The following UBE2D2 variants were observed in gnomAD, a reference collection of about 807,000 sequenced individuals.
UBE2D2 encodes ubiquitin conjugating enzyme E2 D2.
In UBE2D2, 2 loss-of-function variants were observed where a neutral mutation model predicts 24.2. That is an observed-to-expected ratio of 0.08 (90% CI 0.03 to 0.26). UBE2D2 has a LOEUF of 0.26. Among genes scored for constraint, UBE2D2 ranks in the 10% least tolerant of loss-of-function variants. UBE2D2 has a pLI of 1.00. For missense variants in UBE2D2, 44 were observed against 177.6 expected (o/e 0.25, Z 4.28); for synonymous variants, 58 against 56.5 (o/e 1.03, Z -0.12).
At chr5:139,616,664 G>T (rs980558815) in intron 5 of UBE2D2, among the ~76,000 whole-genome samples, 2 of 152,198 alleles carry the variant, frequency 1.3e-5, no homozygotes, top group African/African-American at 2.4e-5. Flanking sequence ...TAGAGGTATA[G>T]ATTTGTAGAG....
intron 1 of UBE2D2, among the ~76,000 whole-genome samples, chr5:139,537,350 C>A (rs1752696906): frequency 1.3e-5 from 2 of 152,078 alleles, no homozygotes; most frequent in South Asian, 4.1e-4. Flanking sequence ...TCTTAAATAT[C>A]ATTTTTAACA....
intron 1 of UBE2D2, among the ~76,000 whole-genome samples, chr5:139,593,594 A>G (rs1462530749): frequency 6.6e-6 from 1 of 152,142 alleles, no homozygotes; most frequent in Non-Finnish European, 1.5e-5. Flanking sequence ...CATATGTAAC[A>G]TGTAACATTA....
intron 5 of UBE2D2, among the ~76,000 whole-genome samples, chr5:139,617,078 G>A (rs977359286): frequency 6.6e-6 from 1 of 151,972 alleles, no homozygotes; most frequent in Admixed American, 6.6e-5. Context: ...AACTACTCAG[G>A]AGGCTGAGGC....
chr5:139,549,843 C>G (rs1178623168), intron 1 of UBE2D2, among the ~76,000 whole-genome samples: 2 of 152,232 alleles, frequency 1.3e-5, no homozygotes, highest in Non-Finnish European at 2.9e-5. Context: ...TTATGTCTAG[C>G]TGGAGGAGTG....
At chr5:139,529,206 C>T (rs1304077917) in intron 1 of UBE2D2, among the ~76,000 whole-genome samples, 5 of 152,142 alleles carry the variant, frequency 3.3e-5, no homozygotes, top group Admixed American at 3.3e-4. Flanking sequence ...GTAGGTAATC[C>T]AGGCAGTGAC....
At chr5:139,550,597 T>C (rs1278185105) in intron 1 of UBE2D2, among the ~76,000 whole-genome samples, 3 of 152,006 alleles carry the variant, frequency 2.0e-5, no homozygotes, top group Non-Finnish European at 4.4e-5. Flanking sequence ...TTTTGATCTT[T>C]GAGATAACTT....
intron 1 of UBE2D2, among the ~76,000 whole-genome samples, chr5:139,563,510 C>G (rs1402890922): frequency 2.6e-5 from 4 of 152,108 alleles, no homozygotes. Flanking sequence ...ATTTTAAAGG[C>G]TTTTAGGAAT....
At chr5:139,619,978 G>T (rs1239839286) in intron 5 of UBE2D2, among the ~76,000 whole-genome samples, 3 of 152,160 alleles carry the variant, frequency 2.0e-5, no homozygotes, top group African/African-American at 7.2e-5. Context: ...GGCAAAGGGG[G>T]AGCCACCTGT....
chr5:139,600,603 C>A (rs1405032136), intron 2 of UBE2D2, among the ~76,000 whole-genome samples, 168 bp downstream of exon 2: 1 of 152,192 alleles, frequency 6.6e-6, no homozygotes, highest in Non-Finnish European at 1.5e-5. Context: ...CATTTTGAAT[C>A]TTCTGCCAGG....
chr5:139,544,476 A>C (rs1752799094), intron 1 of UBE2D2, among the ~76,000 whole-genome samples: 1 of 151,266 alleles, frequency 6.6e-6, no homozygotes, highest in Non-Finnish European at 1.5e-5. Flanking sequence ...CTTTTAGTTG[A>C]GACAGGGTTT....
rs1561498562 is a variant in UBE2D2, at chr5:139,548,179, A to T, written c.-64+21567A>T. ...ACTCCGTCTCAAAAAAAAAAAAAAA[A>T]AAAATAAAAAAAAAAAATAAATAAA... On this transcript the variant is annotated intron_variant, in intron 1 of 6. Coordinates refer to the UBE2D2 transcript ENST00000511725. 1.5e-4 allele frequency among the ~76,000 whole-genome samples: 6 copies of T among 40,248 alleles called. 1 individual carries two copies. The highest frequency in any genetic ancestry group is 1.1e-3 in the East Asian group (3 of 2,846). The allele number at this position is 40,248 out of a possible 152,430, so 26.4% of individuals were successfully genotyped here. A position where few individuals can be genotyped will look rare whatever the true frequency, so the allele number is the denominator to read the frequency against.
chr5:139,627,348 A>G lies in UBE2D2; in HGVS notation c.*547A>G, dbSNP rs1754654483. 6.5e-6 allele frequency: 1 copy of G among 153,216 alleles called. No homozygotes were observed. The highest frequency in any genetic ancestry group is 2.1e-4 in the South Asian group (1 of 4,854). The allele number at this position is 153,216 out of a possible 1,614,324, so 9.5% of individuals were successfully genotyped here. On this transcript the variant is annotated 3_prime_UTR_variant, in exon 7 of 7. Coordinates refer to ENST00000398733, the MANE Select transcript of UBE2D2 (RefSeq NM_003339.3). The stretch of plus-strand genomic sequence containing the variant: ...TCCTGCATTTTAAGGTCTAAGTTTA[A>G]CTGGTCAACATTTAAATGGATTGGA...
chr5:139,610,848 G>A (rs1256223591), intron 2 of UBE2D2, among the ~76,000 whole-genome samples: 2 of 152,072 alleles, frequency 1.3e-5, no homozygotes, highest in Non-Finnish European at 2.9e-5. Flanking sequence ...GTAAAACCCT[G>A]TCTCAAAATA....
chr5:139,582,009 A>G (rs546905913), intron 1 of UBE2D2, among the ~76,000 whole-genome samples: 2 of 150,530 alleles, frequency 1.3e-5, no homozygotes, highest in Non-Finnish European at 3.0e-5. Flanking sequence ...TTTTGAAGAT[A>G]GAGTCTCACT....
At chr5:139,624,631 C>A (rs1754577508) in intron 6 of UBE2D2, among the ~76,000 whole-genome samples, 3 of 152,330 alleles carry the variant, frequency 2.0e-5, no homozygotes, top group Admixed American at 2.0e-4. Context: ...ACTAAAAATA[C>A]AAAAATTAGC....
chr5:139,623,992 A>G (rs1355641420), intron 6 of UBE2D2, among the ~76,000 whole-genome samples: 3 of 152,056 alleles, frequency 2.0e-5, no homozygotes, highest in African/African-American at 7.2e-5. Context: ...CACCCATACA[A>G]AAACTTTCCT....
intron 1 of UBE2D2, among the ~76,000 whole-genome samples, chr5:139,548,186 A>AT (rs1752861727): frequency 3.6e-5 from 1 of 28,040 alleles, no homozygotes; most frequent in South Asian, 1.5e-3. Context: ...AAAAAAAATA[A>AT]AAAAAAAAAA....
intron 1 of UBE2D2, among the ~76,000 whole-genome samples, chr5:139,546,829 C>T (rs1415751503): frequency 9.8e-4 from 62 of 63,530 alleles, no homozygotes; most frequent in Non-Finnish European, 1.3e-3. Flanking sequence ...TTCCTTCCTT[C>T]CTTCCTTCCT....
intron 1 of UBE2D2, among the ~76,000 whole-genome samples, chr5:139,550,564 C>T (rs112577996): frequency 5.3e-5 from 8 of 152,132 alleles, no homozygotes; most frequent in Non-Finnish European, 8.8e-5. Context: ...CTCTTCCACG[C>T]TCACGCTATG....
Sources: gnomAD v4.1 joint callset for allele counts (sites outside exome capture counted in the v4.1 genomes callset) on GRCh38, gnomAD v4.1.1 for gene constraint, MANE v1.5 for transcripts, NCBI Gene and HGNC (gene_info 2026-07-23, HGNC 2026-07-21) for gene names.